The following NFATC3 variants were observed in gnomAD, a reference collection of about 807,000 sequenced individuals.
NFATC3 encodes the protein nuclear factor of activated T cells 3.
A neutral mutation model predicts 98.6 loss-of-function variants in NFATC3; 46 were observed. That is an observed-to-expected ratio of 0.47 (90% CI 0.37 to 0.60). NFATC3 has a LOEUF of 0.60. Ranked by LOEUF, NFATC3 falls within the 20% of genes least tolerant of loss-of-function variation. NFATC3 has a pLI of 0.00. For missense variants in NFATC3, 1,256 were observed against 1,295.5 expected (o/e 0.97, Z 0.47); for synonymous variants, 512 against 472.2 (o/e 1.08, Z -1.09).
intron 6 of NFATC3, among the ~76,000 whole-genome samples, chr16:68,178,024 T>G (rs769367547): frequency 6.6e-6 from 1 of 152,194 alleles, no homozygotes; most frequent in Non-Finnish European, 1.5e-5. Flanking sequence ...TATTCTTGTT[T>G]GTTTTTTTAT....
rs2040414626 is a variant in NFATC3 at position 68,191,577 on chromosome 16, C to G, written c.2908C>G (p.His970Asp). The change falls in exon 9 of 10, where the codon CAT (histidine) becomes GAT (aspartate). Residue 970 changes from histidine (H) to aspartate (D), a missense_variant. By Grantham distance (81) the His-to-Asp change is moderately conservative. Transcript: ENST00000346183. ...ASSPSPATRM[H>D]SGQHSTQAQS... ...ATCACCGTCTCCAGCCACCAGAATGCATTCTGGACAGCACTCAACTCAAGC... is the reference window on the plus strand; with the variant it reads ...ATCACCGTCTCCAGCCACCAGAATGGATTCTGGACAGCACTCAACTCAAGC... 6.2e-7 allele frequency: 1 copy of G among 1,614,034 alleles called. No homozygotes were observed. Among genetic ancestry groups the G allele is most frequent in the African/African-American group, 1.3e-5 (1 of 74,918 alleles).
At chr16:68,169,395 A>G (rs998510913) in intron 5 of NFATC3, among the ~76,000 whole-genome samples, 1 of 151,960 alleles carries the variant, frequency 6.6e-6, no homozygotes, top group Non-Finnish European at 1.5e-5. Context: ...CAGCCTCCCA[A>G]GTAGCTGGGA....
intron 9 of NFATC3, chr16:68,217,869 T>C: frequency 8.2e-7 from 1 of 1,226,190 alleles, no homozygotes. Flanking sequence ...GCATGGGCCA[T>C]ACCTAGCTAC....
intron 3 of NFATC3, among the ~76,000 whole-genome samples, chr16:68,157,247 T>C (rs2038668650): frequency 2.0e-5 from 3 of 152,120 alleles, no homozygotes; most frequent in African/African-American, 7.2e-5. Context: ...TCTCCCTCTT[T>C]CTCTTTCCCG....
chr16:68,223,392 G>C (rs1259033502), intron 9 of NFATC3, among the ~76,000 whole-genome samples: 1 of 152,230 alleles, frequency 6.6e-6, no homozygotes, highest in Admixed American at 6.5e-5. Context: ...AGGTGTGGTA[G>C]TGTGTGCCTA....
rs144550714 is a variant in NFATC3, at chr16:68,221,240, A to G, written c.3107-5110A>G. 4.1e-5 allele frequency: 66 copies of G among 1,614,106 alleles called. No individual in the cohort carries two copies. The Middle Eastern group carries it at 2.0e-3, about 48-fold the overall frequency. ...TTTTGACTTGCTTCAGTTGAGACCT[A>G]CGTTTTGGCCAGTCCCAGCAGGAAG... On this transcript the variant is annotated intron_variant, in intron 9 of 9. Transcript: ENST00000346183.
At chr16:68,144,267 AAAAAATATAAT>A (rs2037914389) in intron 3 of NFATC3, among the ~76,000 whole-genome samples, 1 of 152,170 alleles carries the variant, frequency 6.6e-6, no homozygotes, top group Non-Finnish European at 1.5e-5. Context: ...CAGCTAAAAT[AAAAAATATAAT>A]ACTAACTGTT....
intron 3 of NFATC3, among the ~76,000 whole-genome samples, chr16:68,137,490 A>G (rs759607811): frequency 7.9e-5 from 12 of 152,102 alleles, no homozygotes; most frequent in Non-Finnish European, 1.3e-4. Context: ...ATCTGAGGTT[A>G]TGTATGTTGT....
intron 1 of NFATC3, among the ~76,000 whole-genome samples, chr16:68,096,643 T>C (rs746505781): frequency 1.9e-4 from 29 of 152,168 alleles, no homozygotes; most frequent in South Asian, 6.2e-4. Context: ...TGACACAGAT[T>C]AACTCTGAGT....
intron 3 of NFATC3, among the ~76,000 whole-genome samples, chr16:68,132,672 A>G (rs972542622): frequency 3.3e-5 from 5 of 152,350 alleles, no homozygotes; most frequent in African/African-American, 4.8e-5. Flanking sequence ...GCACAATACA[A>G]TACTATTCAG....
At chr16:68,158,267 A>G (rs1310506233) in intron 4 of NFATC3, among the ~76,000 whole-genome samples, 199 bp downstream of exon 4, 1 of 152,182 alleles carries the variant, frequency 6.6e-6, no homozygotes, top group African/African-American at 2.4e-5. Context: ...TTTATACTAT[A>G]TATTACCAGC....
chr16:68,162,562 T>C (rs1052875388), intron 4 of NFATC3, among the ~76,000 whole-genome samples: 2 of 151,722 alleles, frequency 1.3e-5, no homozygotes, highest in African/African-American at 4.9e-5. Flanking sequence ...TACTAAGCCA[T>C]GGGCTTGGTT....
chr16:68,183,425 T>C, intron 8 of NFATC3, 59 bp downstream of exon 8: 20 of 1,573,756 alleles, frequency 1.3e-5, no homozygotes, highest in Non-Finnish European at 1.6e-5. Context: ...TAAAAAGTTA[T>C]TTAACGAATC....
At chr16:68,224,125 TTAA>T (rs751872115) in intron 9 of NFATC3, among the ~76,000 whole-genome samples, 15,566 of 142,006 alleles carry the variant, frequency 0.11, 881 homozygotes, top group South Asian at 0.19. Context: ...ATGCACCAGT[TTAA>T]AAAAAAAAAA....
intron 9 of NFATC3, chr16:68,214,469 C>T: frequency 6.3e-7 from 1 of 1,577,616 alleles, no homozygotes; most frequent in Non-Finnish European, 8.7e-7. Context: ...GTTTTTGTGC[C>T]CAAGTCTGGT....
chr16:68,137,577 T>C (rs1159192447), intron 3 of NFATC3, among the ~76,000 whole-genome samples: 2 of 151,924 alleles, frequency 1.3e-5, no homozygotes, highest in Non-Finnish European at 2.9e-5. Flanking sequence ...CTTCTTACAC[T>C]GTAATTATCT....
chr16:68,103,179 TC>T (rs1291172154), intron 1 of NFATC3, among the ~76,000 whole-genome samples: 2 of 150,962 alleles, frequency 1.3e-5, no homozygotes, highest in Non-Finnish European at 2.9e-5. Context: ...TCTTTTTTCT[TC>T]TTTTTTTTTT....
At chr16:68,218,079 A>T (rs2041705015) in intron 9 of NFATC3, 1 of 989,432 alleles carries the variant, frequency 1.0e-6, no homozygotes, top group Admixed American at 5.9e-5. Context: ...TTTTATTTGG[A>T]GACAGGGTCT....
intron 9 of NFATC3, among the ~76,000 whole-genome samples, chr16:68,203,202 C>A (rs1025361490): frequency 1.3e-5 from 2 of 152,112 alleles, no homozygotes; most frequent in Non-Finnish European, 2.9e-5. Context: ...GAAGAAAGAA[C>A]AACAAACATT....
Sources: gnomAD v4.1 joint callset for allele counts (sites outside exome capture counted in the v4.1 genomes callset) on GRCh38, gnomAD v4.1.1 for gene constraint, MANE v1.5 for transcripts, NCBI Gene and HGNC (gene_info 2026-07-23, HGNC 2026-07-21) for gene names.